Variants in TRAP1 observed in about 807,000 individuals in gnomAD.
TRAP1 encodes the protein TNF receptor associated protein 1.
In TRAP1, 102 loss-of-function variants were observed where a neutral mutation model predicts 89.1. That is an observed-to-expected ratio of 1.15 (90% confidence interval 0.98 to 1.35). The LOEUF (loss-of-function observed/expected upper bound fraction) is 1.35, where lower values mean the gene tolerates loss of function less well. TRAP1 is among the 40% of genes most tolerant of loss of function. TRAP1 has a pLI of 0.00. For missense variants in TRAP1, 1,256 were observed against 945.3 expected (o/e 1.33, Z -4.31); for synonymous variants, 508 against 388.0 (o/e 1.31, Z -3.64).
intron 1 of TRAP1, among the ~76,000 whole-genome samples, chr16:3,715,463 TAAA>T (rs2051585869): frequency 6.6e-6 from 1 of 151,258 alleles, no homozygotes; most frequent in African/African-American, 2.4e-5. Context: ...GAAAAAGAGA[TAAA>T]GAAACAGAAT....
Position 3,692,595 on chromosome 16 carries a change from CTT to C in TRAP1, c.89-1612_89-1611del, listed in dbSNP as rs202237111. On this transcript the variant is annotated intron_variant, in intron 1 of 17. Coordinates refer to ENST00000246957, the MANE Select transcript of TRAP1 (RefSeq NM_016292.3). Reference sequence around the variant, plus strand: ...ACTCCTAAAAGGTACAAAAACTTGCCTTTTTTTTTTTTTTTTTTTTGAGATGA... The same window carrying C: ...ACTCCTAAAAGGTACAAAAACTTGCCTTTTTTTTTTTTTTTTTTGAGATGA... Among the ~76,000 whole-genome samples the C allele has an allele frequency of 5.7e-3, 597 of 105,116 alleles. 3 individuals carry two copies. Among genetic ancestry groups the C allele is most frequent in the African/African-American group, 0.016 (396 of 25,506 alleles). The allele number at this position is 105,116 out of a possible 152,430, so 69.0% of individuals were successfully genotyped here.
chr16:3,700,174 CTT>C (rs917683044), intron 1 of TRAP1, among the ~76,000 whole-genome samples: 1 of 148,948 alleles, frequency 6.7e-6, no homozygotes, highest in African/African-American at 2.5e-5. Context: ...TCTTTACAAA[CTT>C]TTTTTTTTGA....
At chr16:3,675,829 G>A (rs2050983919) in intron 7 of TRAP1, among the ~76,000 whole-genome samples, 3 of 152,206 alleles carry the variant, frequency 2.0e-5, no homozygotes, top group Admixed American at 6.5e-5. Flanking sequence ...CCTCAGCCAG[G>A]CCAGCTTCCT....
chr16:3,703,179 GA>G (rs1247651244), intron 1 of TRAP1, among the ~76,000 whole-genome samples: 1 of 148,548 alleles, frequency 6.7e-6, no homozygotes, highest in East Asian at 2.0e-4. Context: ...AAACAATTAA[GA>G]ATGCATTTAC....
rs373510798 is a variant in TRAP1, at chr16:3,666,112, G to C, written c.1242C>G (p.Leu414=). The C allele has an allele frequency of 8.4e-5, 135 of 1,610,856 alleles. 1 individual carries two copies. Among genetic ancestry groups the C allele is most frequent in the South Asian group, 5.4e-4 (49 of 90,530 alleles). Residue 414 remains leucine, a synonymous_variant, in exon 12 of 18, where the codon CTC becomes CTG. Transcript: ENST00000246957. The stretch of plus-strand genomic sequence containing the variant: ...TCAGCCTCTGCTGTAAAACGTCCCG[G>C]AGTTTCCTACAGAAAAGAAATGCAT... ...LLQESALIRK[L]RDVLQQRLIK...
intron 9 of TRAP1, among the ~76,000 whole-genome samples, chr16:3,673,259 A>G (rs377099685): frequency 2.2e-4 from 34 of 152,056 alleles, no homozygotes; most frequent in Non-Finnish European, 4.3e-4. Context: ...TGAAGATGAA[A>G]CTCAAATTTC....
chr16:3,674,371 T>C lies in TRAP1; in HGVS notation c.1012A>G (p.Asn338Asp), dbSNP rs201373266. Residue 338 changes from asparagine (N) to aspartate (D), a missense_variant, in exon 9 of 18, where the codon AAC becomes GAC. Physicochemically the swap from Asn to Asp is conservative, Grantham distance 23. Coordinates refer to ENST00000246957, the MANE Select transcript of TRAP1 (RefSeq NM_016292.3). ...GGCACGTAGAAGATGCTGCGGATGT[T>C]GAGCGGTGCGTCCGTCTTATAGTGC... Reference protein sequence around the residue: ...TLHYKTDAPLNIRSIFYVPDM... With the variant: ...TLHYKTDAPLDIRSIFYVPDM... 33 of 1,614,086 alleles carry C rather than the reference T, an allele frequency of 2.0e-5. No individual in the cohort carries two copies. In the Admixed American group the frequency reaches 5.5e-4, roughly 27 times the overall value.
intron 1 of TRAP1, among the ~76,000 whole-genome samples, chr16:3,693,712 G>C (rs2051247539): frequency 6.6e-6 from 1 of 152,214 alleles, no homozygotes; most frequent in African/African-American, 2.4e-5. Context: ...ACAGTTCTGA[G>C]CCAGGCACAC....
At chr16:3,698,530 C>T (rs1290407308) in intron 1 of TRAP1, among the ~76,000 whole-genome samples, 7 of 151,914 alleles carry the variant, frequency 4.6e-5, no homozygotes, top group Non-Finnish European at 1.5e-5. Context: ...TCTTGATCTC[C>T]TGACCTCGTG....
intron 1 of TRAP1, among the ~76,000 whole-genome samples, chr16:3,715,130 G>C (rs184335114): frequency 1.3e-5 from 2 of 152,190 alleles, no homozygotes; most frequent in Non-Finnish European, 2.9e-5. Flanking sequence ...AGAGGAGAGA[G>C]ACAATTTTTA....
chr16:3,677,927 G>T, intron 5 of TRAP1: 1 of 420,100 alleles, frequency 2.4e-6, no homozygotes, highest in Non-Finnish European at 4.3e-6. Flanking sequence ...GACAGGTGGA[G>T]GCCTGTGGGT....
chr16:3,664,209 T>C lies in TRAP1; in HGVS notation c.1569+65A>G, dbSNP rs377047464. 446 of 1,453,710 alleles carry C rather than the reference T, an allele frequency of 3.1e-4. 3 individuals are homozygous for C. The African/African-American group carries it at 4.2e-3, about 14-fold the overall frequency. 90.1% of individuals were successfully genotyped at this position (1,453,710 alleles called of 1,614,324 possible). On this transcript the variant is annotated intron_variant, in intron 13 of 17. Coordinates refer to ENST00000246957, the MANE Select transcript of TRAP1 (RefSeq NM_016292.3). ...TGGGCAGGTTCACCCAGCACAGAGC[T>C]GAGAAGGTCAAGACCCTCCCCAGGT...
At chr16:3,702,929 CT>C (rs2051386863) in intron 1 of TRAP1, among the ~76,000 whole-genome samples, 1 of 150,052 alleles carries the variant, frequency 6.7e-6, no homozygotes. Flanking sequence ...GTAATCCCAG[CT>C]ACTTGGGAGG....
intron 4 of TRAP1, among the ~76,000 whole-genome samples, chr16:3,681,043 T>C (rs970962709): frequency 6.6e-6 from 1 of 151,970 alleles, no homozygotes; most frequent in Non-Finnish European, 1.5e-5. Flanking sequence ...GACCATGGGC[T>C]CCTCCTTCCT....
chr16:3,701,478 G>A (rs184446804), intron 1 of TRAP1, among the ~76,000 whole-genome samples: 36 of 150,786 alleles, frequency 2.4e-4, no homozygotes, highest in Admixed American at 2.1e-3. Flanking sequence ...GCTTGAACCC[G>A]AGGCAGAGGT....
intron 4 of TRAP1, among the ~76,000 whole-genome samples, chr16:3,681,510 G>A (rs939546863): frequency 4.6e-5 from 7 of 152,210 alleles, no homozygotes; most frequent in Admixed American, 1.3e-4. Context: ...CAGCCAACAA[G>A]AAACATGGCA....
In TRAP1 at chr16:3,691,243, T is replaced by C. The variant is rs2151270546; in HGVS notation, c.89-258A>G. On this transcript the variant is annotated intron_variant, in intron 1 of 17. Transcript: ENST00000246957. Reference sequence around the variant, plus strand: ...AGCGAAACTGGAGGGGGTGGGCTGCTGCCTTCTTTTCAGAGGGGGTCTCGC... The same window carrying C: ...AGCGAAACTGGAGGGGGTGGGCTGCCGCCTTCTTTTCAGAGGGGGTCTCGC... 3 of 290,080 alleles carry C rather than the reference T, an allele frequency of 1.0e-5. No individual in the cohort carries two copies. In the East Asian group the frequency reaches 1.8e-4, roughly 17 times the overall value. The allele number at this position is 290,080 out of a possible 1,614,324, so 18.0% of individuals were successfully genotyped here.
Position 3,679,786 on chromosome 16 carries a change from G to C in TRAP1, c.476C>G (p.Thr159Ser). 5 of 1,614,052 alleles carry C rather than the reference G, an allele frequency of 3.1e-6. No homozygotes were observed. The East Asian group carries it at 1.1e-4, about 36-fold the overall frequency. ...CTCTTCCTGTGTCATCCCGATACCAGTATCCTGAGGAGAGAGACGCACTAA... is the reference window on the plus strand; with the variant it reads ...CTCTTCCTGTGTCATCCCGATACCACTATCCTGAGGAGAGAGACGCACTAA... ...AEKGTITIQD[T>S]GIGMTQEELV... is the part of the protein sequence containing the mutation. Residue 159 changes from threonine (T) to serine (S), a missense_variant, in exon 5 of 18, where the codon ACT (threonine) becomes AGT (serine). Transcript: ENST00000246957.
At chr16:3,674,080 T>A (rs1208123401) in intron 9 of TRAP1, among the ~76,000 whole-genome samples, 5 of 152,116 alleles carry the variant, frequency 3.3e-5, no homozygotes, top group Non-Finnish European at 5.9e-5. Flanking sequence ...CCCAGAGGCA[T>A]CTGTTCTTTT....
Sources: allele counts gnomAD v4.1 joint callset (sites outside exome capture counted in the v4.1 genomes callset), GRCh38; gene constraint gnomAD v4.1.1; transcripts MANE v1.5; gene names NCBI Gene and HGNC (gene_info 2026-07-23, HGNC 2026-07-21).